SEMA5A: variants seen among roughly 807,000 people sequenced by gnomAD.
SEMA5A encodes semaphorin 5A, also known as semaphorin-5A.
SEMA5A carries 55 observed loss-of-function variants against 135.5 expected under a neutral mutation model. The ratio of observed to expected loss-of-function variants is 0.41; its 90% CI spans 0.33 to 0.51. The LOEUF (loss-of-function observed/expected upper bound fraction) is 0.51, where lower values mean the gene tolerates loss of function less well. Among genes scored for constraint, SEMA5A ranks in the 20% least tolerant of loss-of-function variants. SEMA5A has a pLI of 0.37. For synonymous variants in SEMA5A, 580 were observed against 546.5 expected (o/e 1.06, Z -0.85); for missense variants, 1,290 against 1,419.9 (o/e 0.91, Z 1.47).
Position 9,044,751 on chromosome 5 carries a change from T to C in SEMA5A, c.2894-167A>G, listed in dbSNP as rs140250557. The stretch of plus-strand genomic sequence containing the variant: ...TCTTTCATTGGAAATGTCATGGCCA[T>C]CAAGAAACTTCTACACAGGGAGCAC... On this transcript the variant is annotated intron_variant, in intron 21 of 22. Transcript: ENST00000382496. Among the ~76,000 whole-genome samples the C allele has an allele frequency of 7.2e-4, 110 of 152,214 alleles. 1 individual carries two copies. The highest frequency in any genetic ancestry group is 3.4e-3 in the Middle Eastern group (1 of 294).
intron 18 of SEMA5A, among the ~76,000 whole-genome samples, chr5:9,060,306 T>G (rs746949576): frequency 6.6e-6 from 1 of 152,180 alleles, no homozygotes; most frequent in Admixed American, 6.5e-5. Flanking sequence ...CAACAGATCA[T>G]GTTAATAGAG....
intron 4 of SEMA5A, among the ~76,000 whole-genome samples, chr5:9,337,346 C>T (rs73050530): frequency 0.01 from 1,553 of 152,236 alleles, 27 homozygotes; most frequent in African/African-American, 0.035. Flanking sequence ...AACCCAGGTC[C>T]ATCTTTTCTT....
chr5:9,509,368 G>A (rs1033756940), intron 1 of SEMA5A, among the ~76,000 whole-genome samples: 11 of 152,122 alleles, frequency 7.2e-5, no homozygotes, highest in East Asian at 3.9e-4. Context: ...TCCACCTACC[G>A]GGTTCAAGTG....
chr5:9,242,052 G>A (rs951086108), intron 5 of SEMA5A, among the ~76,000 whole-genome samples: 17 of 152,102 alleles, frequency 1.1e-4, no homozygotes, highest in African/African-American at 3.6e-4. Context: ...TTTTTCATAT[G>A]TTTACATTCA....
intron 1 of SEMA5A, among the ~76,000 whole-genome samples, chr5:9,495,245 T>A (rs1293298606): frequency 6.6e-6 from 1 of 152,240 alleles, no homozygotes; most frequent in Middle Eastern, 3.4e-3. Context: ...CCACCAATAC[T>A]AGGAGTCAGC....
chr5:9,187,878 G>T (rs140776221), intron 11 of SEMA5A, among the ~76,000 whole-genome samples: 11 of 152,198 alleles, frequency 7.2e-5, no homozygotes, highest in African/African-American at 2.7e-4. Context: ...CTCTCAACAC[G>T]GTGTGGGGGT....
At chr5:9,396,240 G>T (rs1027600975) in intron 2 of SEMA5A, among the ~76,000 whole-genome samples, 1 of 98,472 alleles carries the variant, frequency 1.0e-5, no homozygotes, top group South Asian at 3.9e-4. Flanking sequence ...TTTAATGCGC[G>T]TGCGTGCACA....
chr5:9,108,339 C>T (rs746498939), intron 15 of SEMA5A, 52 bp from the exon 16 acceptor site: 107 of 1,597,816 alleles, frequency 6.7e-5, no homozygotes, highest in South Asian at 6.4e-4. Flanking sequence ...CCACTTGAAA[C>T]CACTGACGTT....
chr5:9,169,945 A>G (rs1211405825), intron 11 of SEMA5A, among the ~76,000 whole-genome samples: 2 of 152,130 alleles, frequency 1.3e-5, no homozygotes, highest in Non-Finnish European at 2.9e-5. Context: ...TCAACTTCCA[A>G]AGGTTTTCTG....
chr5:9,446,334 G>A (rs1438681138), intron 1 of SEMA5A, among the ~76,000 whole-genome samples: 1 of 152,082 alleles, frequency 6.6e-6, no homozygotes, highest in Admixed American at 6.5e-5. Flanking sequence ...AAGAGAGGGG[G>A]CAAAAATGAC....
rs1426194273 is a variant in SEMA5A at position 9,042,797 on chromosome 5, T to A, written c.*100A>T. 1 of 1,434,334 alleles carries A rather than the reference T, an allele frequency of 7.0e-7. No individual in the cohort carries two copies. Among genetic ancestry groups the A allele is most frequent in the Non-Finnish European group, 9.7e-7 (1 of 1,033,114 alleles). 88.9% of individuals were successfully genotyped at this position (1,434,334 alleles called of 1,614,324 possible). ...GGTGGCTTGAAATGCACTTGAAATG[T>A]ATCCAAACTTCGACTCTGAAGCCTC... On this transcript the variant is annotated 3_prime_UTR_variant, in exon 23 of 23. Transcript: ENST00000382496.
intron 17 of SEMA5A, among the ~76,000 whole-genome samples, chr5:9,066,090 A>C (rs1374746822): frequency 6.6e-6 from 1 of 152,248 alleles, no homozygotes; most frequent in Non-Finnish European, 1.5e-5. Flanking sequence ...TTTTAGTGCC[A>C]GAAGATGTAT....
intron 2 of SEMA5A, among the ~76,000 whole-genome samples, chr5:9,424,768 A>G (rs1561242137): frequency 6.6e-6 from 1 of 151,980 alleles, no homozygotes; most frequent in Non-Finnish European, 1.5e-5. Context: ...CCAATGCCCA[A>G]TCCATCAGAG....
chr5:9,224,974 G>A lies in SEMA5A; in HGVS notation c.433-87C>T, dbSNP rs1747212497. Reference sequence around the variant, plus strand: ...TGGTCACACCCACCATCATCACAGTGACGCTTGTGCAACAGCCTCTCGGGG... The same window carrying A: ...TGGTCACACCCACCATCATCACAGTAACGCTTGTGCAACAGCCTCTCGGGG... On this transcript the variant is annotated intron_variant, in intron 7 of 22. Coordinates refer to ENST00000382496, the MANE Select transcript of SEMA5A (RefSeq NM_003966.3). 8 of 1,299,418 alleles carry A rather than the reference G, an allele frequency of 6.2e-6. No individual in the cohort carries two copies. The East Asian group carries it at 2.0e-4, about 32-fold the overall frequency. 80.5% of individuals were successfully genotyped at this position (1,299,418 alleles called of 1,614,324 possible).
At chr5:9,122,581 AAATG>A in intron 14 of SEMA5A, 71 bp downstream of exon 14, 1 of 1,373,524 alleles carries the variant, frequency 7.3e-7, no homozygotes, top group Non-Finnish European at 9.6e-7. Flanking sequence ...GTTATATTAT[AAATG>A]ATGTCCCAAA....
chr5:9,229,473 A>G (rs942380310), intron 6 of SEMA5A, among the ~76,000 whole-genome samples: 12 of 152,278 alleles, frequency 7.9e-5, no homozygotes, highest in Admixed American at 3.9e-4. Context: ...ACGGGAGCCT[A>G]TAAAGGCAGG....
intron 10 of SEMA5A, among the ~76,000 whole-genome samples, chr5:9,194,085 G>C (rs139088889): frequency 8.2e-4 from 125 of 152,148 alleles, no homozygotes; most frequent in African/African-American, 2.9e-3. Flanking sequence ...GAAAATTCTG[G>C]AGTCTGTCAC....
chr5:9,335,837 A>T (rs1321496484), intron 4 of SEMA5A, among the ~76,000 whole-genome samples: 3 of 152,182 alleles, frequency 2.0e-5, no homozygotes, highest in African/African-American at 7.2e-5. Context: ...AATGTGTTGA[A>T]TCAACAGGTA....
intron 3 of SEMA5A, among the ~76,000 whole-genome samples, chr5:9,377,628 G>T (rs987182112): frequency 6.6e-6 from 1 of 152,034 alleles, no homozygotes; most frequent in Non-Finnish European, 1.5e-5. Flanking sequence ...ATTCTAAAAT[G>T]ACTGTGTACT....
Sources: gnomAD v4.1 joint callset for allele counts (sites outside exome capture counted in the v4.1 genomes callset) on GRCh38, gnomAD v4.1.1 for gene constraint, MANE v1.5 for transcripts, NCBI Gene and HGNC (gene_info 2026-07-23, HGNC 2026-07-21) for gene names.